Variants in LVRN observed in about 807,000 individuals in gnomAD.
The protein encoded by LVRN is aminopeptidase Q.
In LVRN, 99 loss-of-function variants were observed where a neutral mutation model predicts 111.4. The ratio of observed to expected loss-of-function variants is 0.89; its 90% confidence interval spans 0.76 to 1.05. The LOEUF is 1.05. Among genes scored for constraint, LVRN ranks in the 50% least tolerant of loss-of-function variants. The pLI is 0.00. For synonymous variants in LVRN, 488 were observed against 449.5 expected, an observed-to-expected ratio of 1.09 and a Z score of -1.08; for missense variants, 1,414 against 1,206.8, an observed-to-expected ratio of 1.17 and a Z score of -2.54.
In LVRN at chr5:115,971,583, A is replaced by C. The variant is rs76132559; in HGVS notation, c.695+8271A>C. 4.7e-3 allele frequency among the ~76,000 whole-genome samples: 709 copies of C among 152,200 alleles called. 8 individuals carry two copies. Among genetic ancestry groups the C allele is most frequent in the East Asian group, 0.016 (81 of 5,190 alleles). On this transcript the variant is annotated intron_variant, in intron 1 of 19. Coordinates refer to ENST00000357872, the MANE Select transcript of LVRN (RefSeq NM_173800.5). Reference sequence around the variant, plus strand: ...TTGTTAAAGAGTCTATGCTATCTGTACTGAATTGTGTCTGCACTTCTGTAA... The same window carrying C: ...TTGTTAAAGAGTCTATGCTATCTGTCCTGAATTGTGTCTGCACTTCTGTAA...
At chr5:115,982,058 C>T (rs957778387) in intron 1 of LVRN, among the ~76,000 whole-genome samples, 5 of 152,048 alleles carry the variant, frequency 3.3e-5, no homozygotes, top group African/African-American at 1.2e-4. Context: ...TAGCTGGTGC[C>T]AGAGCCCACA....
Position 115,984,624 on chromosome 5 carries a change from C to T in LVRN, c.893C>T (p.Ser298Phe). The change falls in exon 3 of 20, where the codon TCC (serine) becomes TTC (phenylalanine). Residue 298 changes from serine (S) to phenylalanine (F), a missense_variant. Coordinates refer to ENST00000357872, the MANE Select transcript of LVRN (RefSeq NM_173800.5). ...NGSKWTVTTF[S>F]TTPHMPTYLV... ...AGCAAATGGACTGTTACAACCTTTT[C>T]CACTACGCCCCACATGCCAACTTAC... 6.2e-7 allele frequency: 1 copy of T among 1,613,638 alleles called. No homozygotes were observed. The highest frequency in any genetic ancestry group is 1.7e-5 in the Admixed American group (1 of 59,924).
At chr5:116,002,573 A>G (rs916662364) in intron 10 of LVRN, among the ~76,000 whole-genome samples, 2 of 152,242 alleles carry the variant, frequency 1.3e-5, no homozygotes, top group African/African-American at 2.4e-5. Context: ...GATTTCAGAC[A>G]CAAGAGTTTA....
At chr5:116,019,315 T>C (rs1422823651) in intron 18 of LVRN, among the ~76,000 whole-genome samples, 1 of 152,232 alleles carries the variant, frequency 6.6e-6, no homozygotes. Context: ...TCCTTTTTAA[T>C]CTTGTAGGAC....
In LVRN at chr5:115,983,535, T is replaced by C. The variant is rs151045782; in HGVS notation, c.838+106T>C. ...GCAGTGTATTATGGTGTATTATAAT[T>C]ACAGTCTACTATAATTAGGTAGAGC... On this transcript the variant is annotated intron_variant, in intron 2 of 19. Coordinates refer to ENST00000357872, the MANE Select transcript of LVRN (RefSeq NM_173800.5). 112 of 1,258,456 alleles carry C rather than the reference T, an allele frequency of 8.9e-5. 1 individual carries two copies. The African/African-American group carries it at 1.4e-3, about 16-fold the overall frequency. The allele number at this position is 1,258,456 out of a possible 1,614,324, so 78.0% of individuals were successfully genotyped here.
chr5:116,017,709 A>T (rs1006147437), intron 18 of LVRN, among the ~76,000 whole-genome samples: 3 of 152,256 alleles, frequency 2.0e-5, no homozygotes, highest in African/African-American at 7.2e-5. Flanking sequence ...TAAAGTGAGG[A>T]TAATAATGAA....
intron 7 of LVRN, 133 bp from the exon 8 acceptor site, chr5:116,000,300 A>G (rs1428402942): frequency 2.4e-6 from 3 of 1,266,934 alleles, no homozygotes; most frequent in African/African-American, 1.5e-5. Flanking sequence ...ACATTCCAAA[A>G]TAATTCAAAC....
intron 19 of LVRN, among the ~76,000 whole-genome samples, chr5:116,022,755 A>G (rs1748759034): frequency 6.6e-6 from 1 of 152,276 alleles, no homozygotes; most frequent in South Asian, 2.1e-4. Flanking sequence ...CTTTGCCATC[A>G]CTGCCAGTCA....
At chr5:115,984,246 G>A (rs1367624445) in intron 2 of LVRN, among the ~76,000 whole-genome samples, 1 of 152,188 alleles carries the variant, frequency 6.6e-6, no homozygotes, top group Non-Finnish European at 1.5e-5. Flanking sequence ...ATTAAGTGTT[G>A]TGAGAAATGG....
chr5:116,015,286 T>C lies in LVRN; in HGVS notation c.2485T>C (p.Tyr829His), dbSNP rs1475126271. ...PYPIKDVVLC[Y>H]GIALGSDKEW... ...TCCAATTAAAGATGTGGTTTTATGT[T>C]ATGGCATTGCCTTGGGAAGTGATAA... Residue 829 changes from tyrosine to histidine, a missense_variant, in exon 17 of 20, where the codon TAT (tyrosine) becomes CAT (histidine). Transcript: ENST00000357872. The C allele has an allele frequency of 1.9e-6, 3 of 1,608,650 alleles. No homozygotes were observed. The highest frequency in any genetic ancestry group is 2.5e-6 in the Non-Finnish European group (3 of 1,177,752).
rs529503664 is a variant in LVRN, at chr5:115,962,923, C to G, written c.306C>G (p.Leu102=). The G allele has an allele frequency of 6.2e-7, 1 of 1,612,954 alleles. No homozygotes were observed. The highest frequency in any genetic ancestry group is 8.5e-7 in the Non-Finnish European group (1 of 1,179,740). Residue 102 remains leucine, a synonymous_variant, in exon 1 of 20, where the codon CTC becomes CTG. Coordinates refer to ENST00000357872, the MANE Select transcript of LVRN (RefSeq NM_173800.5). ...ACCAGCTACGCCTGCCGCCCTGGCT[C>G]GTGCCGCTGCACTACGATCTGGAGC... The part of the protein sequence containing the change: ...PWDQLRLPPW[L]VPLHYDLELW...
At chr5:115,965,489 A>G (rs1043474396) in intron 1 of LVRN, among the ~76,000 whole-genome samples, 7 of 152,242 alleles carry the variant, frequency 4.6e-5, no homozygotes, top group African/African-American at 1.7e-4. Flanking sequence ...AAAATAAATT[A>G]TAGATCAGGG....
chr5:115,990,261 G>C (rs909661603), intron 4 of LVRN, among the ~76,000 whole-genome samples: 2 of 152,028 alleles, frequency 1.3e-5, no homozygotes, highest in Non-Finnish European at 2.9e-5. Context: ...TTTCCCTGTA[G>C]GCTATATGCC....
At chr5:116,017,221 G>A (rs920636481) in intron 18 of LVRN, among the ~76,000 whole-genome samples, 1 of 152,224 alleles carries the variant, frequency 6.6e-6, no homozygotes, top group African/African-American at 2.4e-5. Flanking sequence ...ACTGGCAAGA[G>A]CTTAGAGCAC....
intron 12 of LVRN, among the ~76,000 whole-genome samples, chr5:116,005,285 G>T (rs1294592489): frequency 6.6e-6 from 1 of 152,224 alleles, no homozygotes; most frequent in African/African-American, 2.4e-5. Context: ...CTGAAGGTAT[G>T]ATGTAGGAGG....
chr5:116,017,460 C>G (rs1748626115), intron 18 of LVRN, among the ~76,000 whole-genome samples: 1 of 152,178 alleles, frequency 6.6e-6, no homozygotes, highest in Non-Finnish European at 1.5e-5. Context: ...ATAGACTTAA[C>G]TAGAGCAGTG....
At position 115,962,689 on chromosome 5, in the gene LVRN, C is replaced by A. The variant is rs771657133; in HGVS notation, c.72C>A (p.Ala24=). Residue 24 remains alanine (A), a synonymous_variant, in exon 1 of 20, where the codon GCC becomes GCA. Coordinates refer to ENST00000357872, the MANE Select transcript of LVRN (RefSeq NM_173800.5). ...AVALLLAGLV[A]ALLLALAVLA... is the part of the protein sequence containing the mutation. The stretch of plus-strand genomic sequence containing the variant: ...CCCTGCTGCTGGCTGGGCTGGTAGC[C>A]GCCCTCCTGCTGGCGCTGGCCGTAC... 18 of 1,610,904 alleles carry A rather than the reference C, an allele frequency of 1.1e-5. No homozygotes were observed. The highest frequency in any genetic ancestry group is 1.4e-5 in the Non-Finnish European group (17 of 1,179,600).
intron 13 of LVRN, 103 bp from the exon 14 acceptor site, chr5:116,010,638 C>T: frequency 8.4e-7 from 1 of 1,184,536 alleles, no homozygotes; most frequent in East Asian, 2.5e-5. Context: ...TATTCACATG[C>T]CTTATTGAAG....
At chr5:116,024,558 C>G (rs1361941335) in intron 19 of LVRN, among the ~76,000 whole-genome samples, 1 of 152,158 alleles carries the variant, frequency 6.6e-6, no homozygotes, top group Non-Finnish European at 1.5e-5. Flanking sequence ...ACATTACACC[C>G]AGAACATGCT....
Sources: allele counts gnomAD v4.1 joint callset (sites outside exome capture counted in the v4.1 genomes callset), GRCh38; gene constraint gnomAD v4.1.1; transcripts MANE v1.5; gene names NCBI Gene and HGNC (gene_info 2026-07-23, HGNC 2026-07-21).